ENDOU: variants seen among roughly 807,000 people sequenced by gnomAD.
ENDOU encodes uridylate-specific endoribonuclease.
Under a neutral mutation model 54.2 loss-of-function variants are expected in ENDOU, and 49 were observed. The ratio of observed to expected loss-of-function variants is 0.90; its 90% confidence interval spans 0.72 to 1.15. The LOEUF (loss-of-function observed/expected upper bound fraction) is 1.15. Ranked by LOEUF, ENDOU falls within the 50% of genes most tolerant of loss-of-function variation. ENDOU has a pLI of 0.00. For synonymous variants in ENDOU, 172 were observed against 190.5 expected (o/e 0.90, Z 0.80); for missense variants, 458 against 511.4 (o/e 0.90, Z 1.01).
intron 4 of ENDOU, 79 bp downstream of exon 4, chr12:47,717,439 G>C: frequency 1.3e-6 from 2 of 1,489,988 alleles, no homozygotes; most frequent in Non-Finnish European, 1.8e-6. Flanking sequence ...TGAAGCTGCT[G>C]GTCCAGGGAC....
Position 47,720,859 on chromosome 12 carries a change from A to G in ENDOU, c.72T>C (p.Cys24=), listed in dbSNP as rs1288661170. The G allele has an allele frequency of 6.5e-7, 1 of 1,535,984 alleles. No homozygotes were observed. Among genetic ancestry groups the G allele is most frequent in the Non-Finnish European group, 8.7e-7 (1 of 1,146,906 alleles). The change falls in exon 2 of 10, where the codon TGT becomes TGC. Residue 24 remains cysteine, a synonymous_variant. Coordinates refer to ENST00000422538, the MANE Select transcript of ENDOU (RefSeq NM_001172439.2). Reference sequence around the variant, plus strand: ...TAAATTTCTCATTACATCGAGATGCACAGGATTCTATTTTTCCTATGGGCA... The same window carrying G: ...TAAATTTCTCATTACATCGAGATGCGCAGGATTCTATTTTTCCTATGGGCA... The part of the protein sequence containing the change: ...GLAWAGKIES[C]ASRCNEKFNR...
At chr12:47,725,267 G>T in intron 1 of ENDOU, 92 bp downstream of exon 1, 2 of 1,414,236 alleles carry the variant, frequency 1.4e-6, no homozygotes, top group Non-Finnish European at 2.0e-6. Context: ...TTGTCCCACG[G>T]CCCTGCCCTC....
intron 9 of ENDOU, among the ~76,000 whole-genome samples, chr12:47,711,381 A>G (rs1375369708): frequency 6.6e-6 from 1 of 152,204 alleles, no homozygotes; most frequent in Non-Finnish European, 1.5e-5. Flanking sequence ...TATTTCATAT[A>G]TTAAGGTCCT....
At chr12:47,721,325 A>G (rs1285744755) in intron 1 of ENDOU, among the ~76,000 whole-genome samples, 2 of 151,804 alleles carry the variant, frequency 1.3e-5, no homozygotes, top group African/African-American at 4.8e-5. Context: ...CTTCATTTTT[A>G]TGTGAAATTT....
chr12:47,716,253 CG>C lies in ENDOU; in HGVS notation c.751+46del, dbSNP rs772624132. The C allele has an allele frequency of 5.2e-5, 83 of 1,597,200 alleles. No individual in the cohort carries two copies. The African/African-American group carries it at 1.1e-3, about 21-fold the overall frequency. ...TTCCCCTCCCCCGCCCACCTGGCTTCGCTCAGACAGACTCATGCGCTCTGGG... is the reference window on the plus strand; with the variant it reads ...TTCCCCTCCCCCGCCCACCTGGCTTCCTCAGACAGACTCATGCGCTCTGGG... On this transcript the variant is annotated intron_variant, in intron 6 of 9. Coordinates refer to ENST00000422538, the MANE Select transcript of ENDOU (RefSeq NM_001172439.2).
At position 47,723,848 on chromosome 12, in the gene ENDOU, A is replaced by G. The variant is rs188901219; in HGVS notation, c.55+1511T>C. Among the ~76,000 whole-genome samples, 337 of 152,292 alleles carry G rather than the reference A, an allele frequency of 2.2e-3. 2 individuals carry two copies. Among genetic ancestry groups the G allele is most frequent in the African/African-American group, 7.7e-3 (320 of 41,544 alleles). ...CCTGCCTCCATTCACAACCAAAAAA[A>G]TCAACCAAGGTTCTCCACAGACATC... On this transcript the variant is annotated intron_variant, in intron 1 of 9. Coordinates refer to ENST00000422538, the MANE Select transcript of ENDOU (RefSeq NM_001172439.2).
intron 5 of ENDOU, among the ~76,000 whole-genome samples, 157 bp from the exon 6 acceptor site, chr12:47,716,656 T>C (rs1397381033): frequency 6.6e-6 from 1 of 152,102 alleles, no homozygotes; most frequent in African/African-American, 2.4e-5. Context: ...ATCAGGTCAC[T>C]TTTCTTCCAC....
In ENDOU at chr12:47,713,301, G is replaced by A. The variant is rs369535739; in HGVS notation, c.839C>T (p.Ser280Leu). Residue 280 changes from serine (S) to leucine (L), a missense_variant, in exon 7 of 10, where the codon TCG becomes TTG. Transcript: ENST00000422538. ...LYSRGNEEGD[S>L]SGFEHVFSGE... ...TGAGAAGACATGTTCAAAGCCACTC[G>A]AGTCCCCCTCTTCATTGCCTCTTGA... 85 of 1,612,848 alleles carry A rather than the reference G, an allele frequency of 5.3e-5. No homozygotes were observed. The Middle Eastern group carries it at 8.2e-4, about 16-fold the overall frequency.
chr12:47,715,789 G>T (rs552898031), intron 6 of ENDOU, among the ~76,000 whole-genome samples: 2 of 152,182 alleles, frequency 1.3e-5, no homozygotes, highest in Non-Finnish European at 2.9e-5. Context: ...AACTCTTCCC[G>T]ATAGGACTTC....
At chr12:47,719,333 C>G (rs1457188533) in intron 2 of ENDOU, 1 of 152,258 alleles carries the variant, frequency 6.6e-6, no homozygotes, top group South Asian at 2.1e-4. Flanking sequence ...TCCGGCTGAT[C>G]TCGGCCTGGG....
At position 47,711,779 on chromosome 12, in the gene ENDOU, T is replaced by C; in HGVS notation, c.973-4A>G. On this transcript the variant is annotated splice_polypyrimidine_tract_variant and splice_region_variant and intron_variant, in intron 8 of 9. Transcript: ENST00000422538. ...GCACATCGGGGTAAGAATCCCACTG[T>C]GGAGGGAAGGGCAGAAAAGGGGGTC... The C allele has an allele frequency of 6.2e-7, 1 of 1,613,980 alleles. No homozygotes were observed. The highest frequency in any genetic ancestry group is 8.5e-7 in the Non-Finnish European group (1 of 1,179,970).
intron 9 of ENDOU, 60 bp downstream of exon 9, chr12:47,711,573 A>G: frequency 1.3e-6 from 2 of 1,574,932 alleles, no homozygotes; most frequent in Non-Finnish European, 1.7e-6. Context: ...TGACTCTGTG[A>G]TGGCTGAGGA....
intron 2 of ENDOU, 62 bp from the exon 3 acceptor site, chr12:47,718,256 C>T: frequency 1.4e-6 from 2 of 1,452,560 alleles, no homozygotes; most frequent in Non-Finnish European, 1.9e-6. Flanking sequence ...TGCTTGGTTT[C>T]TGGTTCTCTG....
intron 9 of ENDOU, 129 bp downstream of exon 9, chr12:47,711,504 C>T (rs896303093): frequency 9.0e-7 from 1 of 1,110,418 alleles, no homozygotes; most frequent in African/African-American, 1.6e-5. Flanking sequence ...AGAACTGAGG[C>T]CCAAAGCACA....
chr12:47,711,328 G>A (rs1368074750), intron 9 of ENDOU, among the ~76,000 whole-genome samples: 2 of 152,104 alleles, frequency 1.3e-5, no homozygotes, highest in Non-Finnish European at 2.9e-5. Context: ...GTAGCCTCAG[G>A]GGACAAATAA....
At chr12:47,717,397 G>T in intron 4 of ENDOU, 121 bp downstream of exon 4, 2 of 1,136,820 alleles carry the variant, frequency 1.8e-6, no homozygotes, top group Non-Finnish European at 2.5e-6. Context: ...AAGCCCCAGA[G>T]TTTGTGTTTC....
At chr12:47,718,345 AAAT>A in intron 2 of ENDOU, 151 bp from the exon 3 acceptor site, 1 of 617,420 alleles carries the variant, frequency 1.6e-6, no homozygotes, top group Non-Finnish European at 2.9e-6. Context: ...GACAGGCACC[AAAT>A]AATGATGATG....
Position 47,725,265 on chromosome 12 carries a change from C to T in ENDOU, c.55+94G>A, listed in dbSNP as rs966374775. The T allele has an allele frequency of 1.6e-5, 22 of 1,388,938 alleles. No individual in the cohort carries two copies. The East Asian group carries it at 1.6e-4, about 10-fold the overall frequency. 86.0% of individuals were successfully genotyped at this position (1,388,938 alleles called of 1,614,324 possible). ...ACAGAGCTCACCCTCCCTTGTCCCA[C>T]GGCCCTGCCCTCTACCAAGTTCTCC... On this transcript the variant is annotated intron_variant, in intron 1 of 9. Transcript: ENST00000422538.
intron 7 of ENDOU, 55 bp from the exon 8 acceptor site, chr12:47,712,677 C>T (rs1463041015): frequency 7.5e-7 from 1 of 1,325,244 alleles, no homozygotes. Flanking sequence ...CCCTCCCCTC[C>T]AATCCCCTTT....
Sources: gnomAD v4.1 joint callset for allele counts (sites outside exome capture counted in the v4.1 genomes callset) on GRCh38, gnomAD v4.1.1 for gene constraint, MANE v1.5 for transcripts, NCBI Gene and HGNC (gene_info 2026-07-23, HGNC 2026-07-21) for gene names.